The following SASH1 variants were observed in gnomAD, a reference collection of about 807,000 sequenced individuals.
SASH1 encodes SAM and SH3 domain containing 1.
SASH1 carries 44 observed loss-of-function variants against 125.2 expected under a neutral mutation model. That is an observed-to-expected ratio of 0.35 (90% CI 0.28 to 0.45). The LOEUF (loss-of-function observed/expected upper bound fraction) is 0.45, where lower values mean the gene tolerates loss of function less well. SASH1 is among the 20% of genes least tolerant of loss of function. The pLI, the probability that SASH1 is intolerant of heterozygous loss-of-function variation, is 1.00. For missense variants in SASH1, 1,426 were observed against 1,614.5 expected, an observed-to-expected ratio of 0.88 and a Z score of 2.00; for synonymous variants, 639 against 649.1, an observed-to-expected ratio of 0.98 and a Z score of 0.24.
At chr6:148,317,539 C>T (rs1218465230) in intron 1 of SASH1, among the ~76,000 whole-genome samples, 2 of 152,244 alleles carry the variant, frequency 1.3e-5, no homozygotes, top group African/African-American at 2.4e-5. Context: ...ATTCTCCTGC[C>T]TCAGCCTCCC....
At chr6:148,370,620 G>A (rs1301639437) in intron 1 of SASH1, among the ~76,000 whole-genome samples, 1 of 152,014 alleles carries the variant, frequency 6.6e-6, no homozygotes, top group African/African-American at 2.4e-5. Flanking sequence ...TCAGGAGATC[G>A]AGACCATCCT....
intron 2 of SASH1, among the ~76,000 whole-genome samples, chr6:148,397,035 T>A (rs1416081177): frequency 2.0e-5 from 3 of 152,182 alleles, no homozygotes; most frequent in South Asian, 2.1e-4. Flanking sequence ...GGGATTTTTT[T>A]AATAGCTTTT....
chr6:148,313,104 C>T (rs759864117), intron 1 of SASH1, among the ~76,000 whole-genome samples: 8 of 152,118 alleles, frequency 5.3e-5, no homozygotes, highest in Non-Finnish European at 7.3e-5. Context: ...TGAGCCAAAC[C>T]TCAAACTTGG....
the SASH1 span, among the ~76,000 whole-genome samples, chr6:148,226,348 T>C: frequency 1.3e-5 from 2 of 152,206 alleles, no homozygotes; most frequent in African/African-American, 4.8e-5. Flanking sequence ...TTAAATTCTA[T>C]AGTTGCTTTT....
At chr6:148,491,068 T>C (rs1779088757) in intron 8 of SASH1, among the ~76,000 whole-genome samples, 1 of 152,244 alleles carries the variant, frequency 6.6e-6, no homozygotes, top group African/African-American at 2.4e-5. Flanking sequence ...TATTTATTGC[T>C]ACCTATTATG....
chr6:148,278,379 T>C (rs1779247735), intron 1 of SASH1, among the ~76,000 whole-genome samples: 1 of 151,992 alleles, frequency 6.6e-6, no homozygotes, highest in African/African-American at 2.4e-5. Flanking sequence ...TGGTCTCCAT[T>C]TTTTTTTCTC....
At chr6:148,411,349 C>T (rs1784623566) in intron 2 of SASH1, among the ~76,000 whole-genome samples, 1 of 151,890 alleles carries the variant, frequency 6.6e-6, no homozygotes, top group Non-Finnish European at 1.5e-5. Context: ...AAAATATTTC[C>T]CCAGTAAACA....
chr6:148,382,344 C>T (rs529890103), intron 1 of SASH1, among the ~76,000 whole-genome samples: 28 of 152,266 alleles, frequency 1.8e-4, no homozygotes, highest in African/African-American at 6.3e-4. Context: ...GGCTGGAGTG[C>T]GATGGTGCCA....
rs545817646 is a variant in SASH1 at position 148,448,226 on chromosome 6, C to T, written c.386+7819C>T. 9.2e-5 allele frequency among the ~76,000 whole-genome samples: 14 copies of T among 152,236 alleles called. 1 individual carries two copies. In the South Asian group the frequency reaches 2.9e-3, roughly 32 times the overall value. On this transcript the variant is annotated intron_variant, in intron 4 of 19. Transcript: ENST00000367467. ...GATCTTTTGCTTCTCTCCTGGCACA[C>T]AGAAGATATTCCATAATGTTGAATA... is the stretch of plus-strand genomic sequence containing the variant.
chr6:148,374,496 T>C (rs188771063), intron 1 of SASH1, among the ~76,000 whole-genome samples: 142 of 152,366 alleles, frequency 9.3e-4, no homozygotes, highest in African/African-American at 3.2e-3. Context: ...ATTTTCATTC[T>C]CACAGTAACT....
At chr6:148,372,681 G>A (rs1782744139) in intron 1 of SASH1, among the ~76,000 whole-genome samples, 1 of 148,912 alleles carries the variant, frequency 6.7e-6, no homozygotes, top group African/African-American at 2.5e-5. Context: ...CATGTTGATT[G>A]ATTGTTTCAT....
At chr6:148,457,721 C>CAA (rs1473466980) in intron 4 of SASH1, among the ~76,000 whole-genome samples, 1 of 152,152 alleles carries the variant, frequency 6.6e-6, no homozygotes, top group African/African-American at 2.4e-5. Context: ...ATACCCAAGA[C>CAA]TGAGTAATTT....
At chr6:148,491,129 A>C (rs1205711303) in intron 8 of SASH1, among the ~76,000 whole-genome samples, 1 of 152,236 alleles carries the variant, frequency 6.6e-6, no homozygotes, top group Non-Finnish European at 1.5e-5. Flanking sequence ...TTATCCTAGA[A>C]TATCAAAATT....
chr6:148,522,717 T>C lies in SASH1; in HGVS notation c.1210-2574T>C, dbSNP rs1469571247. Among the ~76,000 whole-genome samples, 7 of 152,212 alleles carry C rather than the reference T, an allele frequency of 4.6e-5. No individual in the cohort carries two copies. In the East Asian group the frequency reaches 1.3e-3, roughly 29 times the overall value. ...ATCCCAAGCATCTATCTAAAGTGTTTTTATAATTTTCAGTACAGGAAGTGT... is the reference window on the plus strand; with the variant it reads ...ATCCCAAGCATCTATCTAAAGTGTTCTTATAATTTTCAGTACAGGAAGTGT... On this transcript the variant is annotated intron_variant, in intron 10 of 19. Transcript: ENST00000367467.
In SASH1 at chr6:148,403,470, CAGT is replaced by C. The variant is rs564453638; in HGVS notation, c.285+13211_285+13213del. ...GTAAAAAAATTGAATAAAAATTCCA[CAGT>C]AGAATTGTAACGTCTCTTAATACCC... On this transcript the variant is annotated intron_variant, in intron 2 of 19. Transcript: ENST00000367467. 1.9e-3 allele frequency among the ~76,000 whole-genome samples: 292 copies of C among 152,166 alleles called. 1 individual carries two copies. Among genetic ancestry groups the C allele is most frequent in the African/African-American group, 5.4e-3 (223 of 41,504 alleles).
intron 1 of SASH1, among the ~76,000 whole-genome samples, chr6:148,376,275 G>T (rs1782888124): frequency 6.6e-6 from 1 of 151,904 alleles, no homozygotes; most frequent in African/African-American, 2.4e-5. Context: ...CACCATGTTG[G>T]CCAGGCTGGT....
intron 4 of SASH1, among the ~76,000 whole-genome samples, chr6:148,467,734 C>T (rs887213658): frequency 2.6e-5 from 4 of 152,078 alleles, no homozygotes; most frequent in Non-Finnish European, 4.4e-5. Flanking sequence ...GTCAGGAGTT[C>T]CAGACCATCC....
chr6:148,326,359 C>CATATATATATATATATAT (rs1212032481), intron 1 of SASH1, among the ~76,000 whole-genome samples: 1 of 14,604 alleles, frequency 6.8e-5, no homozygotes, highest in Non-Finnish European at 1.3e-4. Context: ...TATATATATG[C>CATATATATATATATATAT]ATATATATAT....
intron 1 of SASH1, among the ~76,000 whole-genome samples, chr6:148,312,735 A>G (rs1336198821): frequency 6.6e-6 from 1 of 152,176 alleles, no homozygotes; most frequent in African/African-American, 2.4e-5. Context: ...TTTATTGACC[A>G]TTTACTCTAC....
Sources: allele counts gnomAD v4.1 joint callset (sites outside exome capture counted in the v4.1 genomes callset), GRCh38; gene constraint gnomAD v4.1.1; transcripts MANE v1.5; gene names NCBI Gene and HGNC (gene_info 2026-07-23, HGNC 2026-07-21).